The following NBAS variants were observed in gnomAD, a reference collection of about 807,000 sequenced individuals.
NBAS encodes NBAS subunit of NRZ tethering complex, also known as NAG/BC035112 fusion.
Under a neutral mutation model 302.5 loss-of-function variants are expected in NBAS, and 219 were observed. That is an observed-to-expected ratio of 0.72 (90% CI 0.65 to 0.81). The LOEUF (loss-of-function observed/expected upper bound fraction) is 0.81, where lower values mean the gene tolerates loss of function less well. Among genes scored for constraint, NBAS ranks in the 30% least tolerant of loss-of-function variants. NBAS has a pLI of 0.00. For missense variants in NBAS, 2,932 were observed against 2,841.6 expected, an observed-to-expected ratio of 1.03 and a Z score of -0.72; for synonymous variants, 1,118 against 1,021.6, an observed-to-expected ratio of 1.09 and a Z score of -1.80.
intron 3 of NBAS, among the ~76,000 whole-genome samples, chr2:15,555,123 T>C (rs1169295804): frequency 6.6e-6 from 1 of 152,106 alleles, no homozygotes; most frequent in Non-Finnish European, 1.5e-5. Flanking sequence ...CAATGGTATG[T>C]GCCTATAGTC....
At chr2:15,338,766 T>C (rs1427484374) in intron 35 of NBAS, among the ~76,000 whole-genome samples, 1 of 150,198 alleles carries the variant, frequency 6.7e-6, no homozygotes, top group Non-Finnish European at 1.5e-5. Flanking sequence ...TCCCAACACT[T>C]TGGGAGGCTG....
At chr2:14,896,556 A>G in the NBAS span, among the ~76,000 whole-genome samples, 1 of 152,166 alleles carries the variant, frequency 6.6e-6, no homozygotes, top group East Asian at 1.9e-4. Flanking sequence ...TTAGCTGCTA[A>G]GAAACACACT....
the NBAS span, among the ~76,000 whole-genome samples, chr2:14,876,683 T>C: frequency 2.6e-5 from 4 of 152,258 alleles, no homozygotes; most frequent in Non-Finnish European, 1.5e-5. Flanking sequence ...TTATTTTTGG[T>C]TGGGGAAGCT....
intron 45 of NBAS, among the ~76,000 whole-genome samples, chr2:15,236,607 G>A (rs1468976780): frequency 7.1e-6 from 1 of 140,058 alleles, no homozygotes; most frequent in Non-Finnish European, 1.5e-5. Flanking sequence ...TTTTAATATA[G>A]TATATTAAAA....
At chr2:14,806,501 T>C in the NBAS span, among the ~76,000 whole-genome samples, 1 of 152,190 alleles carries the variant, frequency 6.6e-6, no homozygotes, top group Non-Finnish European at 1.5e-5. Flanking sequence ...AAAAGAGCGA[T>C]TCCATGCACT....
intron 29 of NBAS, among the ~76,000 whole-genome samples, 164 bp downstream of exon 29, chr2:15,383,051 G>A (rs973295674): frequency 6.6e-6 from 1 of 152,140 alleles, no homozygotes; most frequent in Non-Finnish European, 1.5e-5. Context: ...GAGACAGGAG[G>A]TTAAGGAATA....
intron 44 of NBAS, among the ~76,000 whole-genome samples, chr2:15,272,339 A>C (rs1669362537): frequency 6.6e-6 from 1 of 152,234 alleles, no homozygotes. Context: ...CATTTATTTT[A>C]CATTTTTAAC....
chr2:15,512,882 G>A (rs922142414), intron 9 of NBAS, among the ~76,000 whole-genome samples: 1 of 152,126 alleles, frequency 6.6e-6, no homozygotes, highest in East Asian at 1.9e-4. Context: ...CATAGAAAAT[G>A]AATATATACC....
the NBAS span, among the ~76,000 whole-genome samples, chr2:14,941,619 G>C: frequency 6.6e-6 from 1 of 152,196 alleles, no homozygotes; most frequent in Admixed American, 6.5e-5. Flanking sequence ...GGTGACTGCT[G>C]TTCAGGCTGC....
At chr2:15,267,463 G>A (rs1558488845) in intron 44 of NBAS, among the ~76,000 whole-genome samples, 1 of 152,146 alleles carries the variant, frequency 6.6e-6, no homozygotes, top group Non-Finnish European at 1.5e-5. Context: ...CACTTTTATA[G>A]TTGAGTTCAG....
intron 40 of NBAS, among the ~76,000 whole-genome samples, chr2:15,305,433 T>C (rs1670985828): frequency 1.3e-5 from 2 of 151,330 alleles, no homozygotes; most frequent in South Asian, 2.1e-4. Context: ...CTTTATAAAT[T>C]ACTCAGTCTC....
intron 48 of NBAS, among the ~76,000 whole-genome samples, chr2:15,202,495 C>T (rs1158910524): frequency 1.3e-5 from 2 of 150,850 alleles, no homozygotes; most frequent in Non-Finnish European, 2.9e-5. Flanking sequence ...GCCATGTGAC[C>T]CCCTATAAAT....
At chr2:14,822,629 G>C in the NBAS span, among the ~76,000 whole-genome samples, 3 of 152,124 alleles carry the variant, frequency 2.0e-5, no homozygotes, top group Non-Finnish European at 4.4e-5. Flanking sequence ...AGGTGACTTT[G>C]CCAAAATGAC....
At chr2:15,127,427 T>A in the NBAS span, among the ~76,000 whole-genome samples, 1 of 152,210 alleles carries the variant, frequency 6.6e-6, no homozygotes, top group Non-Finnish European at 1.5e-5. Flanking sequence ...GGCTGTTACT[T>A]TAATCTTCTG....
chr2:15,313,798 G>A (rs948078501), intron 38 of NBAS, among the ~76,000 whole-genome samples: 2 of 152,152 alleles, frequency 1.3e-5, no homozygotes, highest in African/African-American at 4.8e-5. Context: ...AAGCCAGCTG[G>A]AGAATGTGCA....
the NBAS span, among the ~76,000 whole-genome samples, chr2:14,991,866 T>G: frequency 1.3e-5 from 2 of 152,224 alleles, no homozygotes; most frequent in Non-Finnish European, 2.9e-5. Flanking sequence ...CTACTCTGAA[T>G]TGTCTTTCAG....
chr2:15,445,014 G>A (rs1338263261), intron 21 of NBAS, among the ~76,000 whole-genome samples: 1 of 150,430 alleles, frequency 6.6e-6, no homozygotes, highest in Non-Finnish European at 1.5e-5. Context: ...AACAGGTGCT[G>A]GAGAGGAGGT....
intron 5 of NBAS, among the ~76,000 whole-genome samples, chr2:15,552,623 A>G (rs1342658433): frequency 6.6e-6 from 1 of 152,174 alleles, no homozygotes; most frequent in Non-Finnish European, 1.5e-5. Flanking sequence ...GTTTAAAAAT[A>G]AAACACCTGA....
chr2:15,081,235 C>T, the NBAS span, among the ~76,000 whole-genome samples: 1 of 152,152 alleles, frequency 6.6e-6, no homozygotes, highest in Non-Finnish European at 1.5e-5. Context: ...TGACTTGGTG[C>T]TATCCCTACC....
Sources: gnomAD v4.1 joint callset for allele counts (sites outside exome capture counted in the v4.1 genomes callset) on GRCh38, gnomAD v4.1.1 for gene constraint, MANE v1.5 for transcripts, NCBI Gene and HGNC (gene_info 2026-07-23, HGNC 2026-07-21) for gene names.